The following DSCAM variants were observed in gnomAD, a reference collection of about 807,000 sequenced individuals.
DSCAM encodes the protein cell adhesion molecule DSCAM.
Under a neutral mutation model 217.7 loss-of-function variants are expected in DSCAM, and 47 were observed. The observed-to-expected ratio is 0.22, with a 90% CI of 0.17 to 0.28. The LOEUF is 0.28. DSCAM is among the 10% of genes least tolerant of loss of function. The pLI, the probability that DSCAM is intolerant of heterozygous loss-of-function variation, is 1.00. For missense variants in DSCAM, 2,080 were observed against 2,618.3 expected (o/e 0.79, Z 4.49); for synonymous variants, 1,056 against 1,015.3 (o/e 1.04, Z -0.76).
rs79356814 is a variant in DSCAM at position 40,433,023 on chromosome 21, A to G, written c.509-63778T>C. The stretch of plus-strand genomic sequence containing the variant: ...TTCAAATTATAAGCAATTTACAGAT[A>G]CAAAAAAAATCAGTCACATTTCTTC... On this transcript the variant is annotated intron_variant, in intron 3 of 32. Transcript: ENST00000400454. 7.8e-3 allele frequency among the ~76,000 whole-genome samples: 1,182 copies of G among 152,300 alleles called. 26 individuals carry two copies. Among genetic ancestry groups the G allele is most frequent in the East Asian group, 0.069 (356 of 5,180 alleles).
chr21:40,193,531 A>G (rs557062978), intron 11 of DSCAM, among the ~76,000 whole-genome samples: 2 of 152,328 alleles, frequency 1.3e-5, no homozygotes, highest in South Asian at 2.1e-4. Context: ...CATATAATTT[A>G]GCTTTGAAAG....
At chr21:40,212,795 C>T (rs547094240) in intron 11 of DSCAM, among the ~76,000 whole-genome samples, 3 of 152,236 alleles carry the variant, frequency 2.0e-5, no homozygotes, top group African/African-American at 7.2e-5. Context: ...AAGTAAGAAC[C>T]TCTAGATAAG....
chr21:40,320,544 C>A (rs1341495204), intron 8 of DSCAM, among the ~76,000 whole-genome samples: 1 of 152,114 alleles, frequency 6.6e-6, no homozygotes, highest in Non-Finnish European at 1.5e-5. Context: ...CATTTTCATG[C>A]TGTGGATAAA....
intron 3 of DSCAM, among the ~76,000 whole-genome samples, chr21:40,685,191 G>A (rs2090459867): frequency 6.6e-6 from 1 of 152,214 alleles, no homozygotes; most frequent in South Asian, 2.1e-4. Flanking sequence ...GTATGAAAAT[G>A]AAGATGAGCC....
At chr21:40,515,001 C>T (rs2076288660) in intron 3 of DSCAM, among the ~76,000 whole-genome samples, 1 of 151,944 alleles carries the variant, frequency 6.6e-6, no homozygotes, top group African/African-American at 2.4e-5. Context: ...TTTTCAGAAG[C>T]GAAGTTAAGA....
intron 2 of DSCAM, among the ~76,000 whole-genome samples, chr21:40,694,137 G>T (rs529946977): frequency 6.6e-6 from 1 of 152,330 alleles, no homozygotes; most frequent in South Asian, 2.1e-4. Flanking sequence ...CTCCAGGGAA[G>T]TAAGACACTG....
chr21:40,789,268 A>T (rs998272678), intron 1 of DSCAM, among the ~76,000 whole-genome samples: 5 of 38,626 alleles, frequency 1.3e-4, no homozygotes, highest in Admixed American at 3.0e-4. Context: ...AATCAAGATT[A>T]AAAAAAAAAA....
At chr21:40,650,568 G>A (rs2090000272) in intron 3 of DSCAM, among the ~76,000 whole-genome samples, 1 of 152,216 alleles carries the variant, frequency 6.6e-6, no homozygotes, top group Non-Finnish European at 1.5e-5. Context: ...GGCAGAAGAA[G>A]GAGGAGTTTT....
intron 30 of DSCAM, among the ~76,000 whole-genome samples, chr21:40,045,880 GGTATCCCTCT>G (rs2088834492): frequency 6.6e-6 from 1 of 151,224 alleles, no homozygotes; most frequent in Non-Finnish European, 1.5e-5. Flanking sequence ...CAGGGGCAAT[GGTATCCCTCT>G]GTGGATCCAT....
intron 1 of DSCAM, among the ~76,000 whole-genome samples, chr21:40,841,742 C>T (rs1273018533): frequency 2.0e-5 from 3 of 152,188 alleles, no homozygotes; most frequent in Admixed American, 2.0e-4. Context: ...CTGCCACCTC[C>T]GAGGCGCGCG....
At chr21:40,728,981 T>A (rs1037501289) in intron 1 of DSCAM, among the ~76,000 whole-genome samples, 3 of 152,184 alleles carry the variant, frequency 2.0e-5, no homozygotes, top group African/African-American at 7.2e-5. Context: ...TATTTCAATC[T>A]CCACTGACAT....
At chr21:40,816,090 A>C (rs2091879262) in intron 1 of DSCAM, among the ~76,000 whole-genome samples, 1 of 152,246 alleles carries the variant, frequency 6.6e-6, no homozygotes, top group African/African-American at 2.4e-5. Context: ...TAGAGAAACA[A>C]TGTCAAAACA....
chr21:40,605,791 C>CTTTTTTTTTTTTTTTTTTTT (rs755767800), intron 3 of DSCAM, among the ~76,000 whole-genome samples: 2 of 62,006 alleles, frequency 3.2e-5, no homozygotes, highest in African/African-American at 1.3e-4. Context: ...AATGCACATT[C>CTTTTTTTTTTTTTTTTTTTT]TTTTTTTTTT....
chr21:40,131,434 T>C (rs1324589154), intron 19 of DSCAM, among the ~76,000 whole-genome samples: 1 of 152,208 alleles, frequency 6.6e-6, no homozygotes, highest in African/African-American at 2.4e-5. Context: ...TCCACCTCTT[T>C]TTTCTTTTTG....
At chr21:40,373,766 A>C (rs1440730997) in intron 3 of DSCAM, among the ~76,000 whole-genome samples, 1 of 152,228 alleles carries the variant, frequency 6.6e-6, no homozygotes, top group Non-Finnish European at 1.5e-5. Flanking sequence ...GAGATTTCTC[A>C]GTGTGGAAGA....
At position 40,465,353 on chromosome 21, in the gene DSCAM, G is replaced by A. The variant is rs73902640; in HGVS notation, c.509-96108C>T. 1.3e-3 allele frequency among the ~76,000 whole-genome samples: 192 copies of A among 152,106 alleles called. 1 individual carries two copies. The highest frequency in any genetic ancestry group is 4.3e-3 in the African/African-American group (177 of 41,474). Reference sequence around the variant, plus strand: ...TGAGCGGCTCTTTCTCTTCTTTCAGGTCTGAGCTTAAACGTCTCCCAAAAG... The same window carrying A: ...TGAGCGGCTCTTTCTCTTCTTTCAGATCTGAGCTTAAACGTCTCCCAAAAG... On this transcript the variant is annotated intron_variant, in intron 3 of 32. Transcript: ENST00000400454.
intron 3 of DSCAM, among the ~76,000 whole-genome samples, chr21:40,413,881 G>T (rs1344142754): frequency 6.6e-6 from 1 of 152,134 alleles, no homozygotes; most frequent in Non-Finnish European, 1.5e-5. Flanking sequence ...AGTAGTGCTG[G>T]AATATGTGAA....
intron 32 of DSCAM, among the ~76,000 whole-genome samples, chr21:40,037,727 G>GA (rs1177895968): frequency 4.8e-5 from 7 of 146,576 alleles, no homozygotes; most frequent in African/African-American, 1.8e-4. Context: ...TAAGCCAAAA[G>GA]AAAAAAGCTG....
chr21:40,582,966 T>A (rs1185078631), intron 3 of DSCAM, among the ~76,000 whole-genome samples: 1 of 152,128 alleles, frequency 6.6e-6, no homozygotes, highest in Non-Finnish European at 1.5e-5. Flanking sequence ...TGCAACAGAC[T>A]ATTAAAGTCA....
Sources: allele counts gnomAD v4.1 joint callset (sites outside exome capture counted in the v4.1 genomes callset), GRCh38; gene constraint gnomAD v4.1.1; transcripts MANE v1.5; gene names NCBI Gene and HGNC (gene_info 2026-07-23, HGNC 2026-07-21).